Variants in CHI3L2 observed in about 807,000 individuals in gnomAD.
The protein encoded by CHI3L2 is chitinase-3-like protein 2.
Under a neutral mutation model 47.3 loss-of-function variants are expected in CHI3L2, and 47 were observed. The observed-to-expected ratio is 0.99, with a 90% CI of 0.79 to 1.27. The LOEUF (loss-of-function observed/expected upper bound fraction) is 1.27. Ranked by LOEUF, CHI3L2 falls within the 50% of genes most tolerant of loss-of-function variation. The pLI, the probability that CHI3L2 is intolerant of heterozygous loss-of-function variation, is 0.00. For missense variants in CHI3L2, 497 were observed against 462.1 expected (o/e 1.08, Z -0.69); for synonymous variants, 198 against 169.9 (o/e 1.17, Z -1.28).
At chr1:111,228,888 G>A (rs1659606574) in intron 1 of CHI3L2, among the ~76,000 whole-genome samples, 1 of 152,178 alleles carries the variant, frequency 6.6e-6, no homozygotes, top group African/African-American at 2.4e-5. Flanking sequence ...AGGAGGATGT[G>A]TTAAGTATAG....
chr1:111,240,868 G>A (rs1660030759), intron 8 of CHI3L2, among the ~76,000 whole-genome samples: 1 of 152,210 alleles, frequency 6.6e-6, no homozygotes, highest in Non-Finnish European at 1.5e-5. Flanking sequence ...ACAAGATGAG[G>A]AATAGTGGTG....
intron 7 of CHI3L2, among the ~76,000 whole-genome samples, chr1:111,237,011 A>G (rs1045309546): frequency 1.3e-5 from 2 of 152,192 alleles, no homozygotes; most frequent in Non-Finnish European, 2.9e-5. Flanking sequence ...GGGTCTGGGT[A>G]GTGTCAGCTG....
chr1:111,242,513 T>G, intron 10 of CHI3L2, 147 bp downstream of exon 10: 1 of 768,778 alleles, frequency 1.3e-6, no homozygotes, highest in East Asian at 2.9e-5. Flanking sequence ...GCAATTAGGC[T>G]GGTTCTGCCC....
Position 111,242,254 on chromosome 1 carries a change from G to A in CHI3L2, c.1063G>A (p.Gly355Arg). The A allele has an allele frequency of 6.2e-7, 1 of 1,614,104 alleles. No homozygotes were observed. Among genetic ancestry groups the A allele is most frequent in the Non-Finnish European group, 8.5e-7 (1 of 1,180,000 alleles). ...TCAGTTCTTAAAGAATTTAAACCTG[G>A]GAGGAGCCATGATCTGGTCTATTGA... The part of the protein sequence containing the change: ...KVQFLKNLNL[G>R]GAMIWSIDMD... The change falls in exon 10 of 11, where the codon GGA (glycine) becomes AGA (arginine). Residue 355 changes from glycine (G) to arginine (R), a missense_variant. By Grantham distance (125) the Gly-to-Arg change is moderately radical (BLOSUM62 -2). Coordinates refer to ENST00000369748, the MANE Select transcript of CHI3L2 (RefSeq NM_004000.3).
chr1:111,241,433 T>A lies in CHI3L2; in HGVS notation c.1025T>A (p.Met342Lys), dbSNP rs1455098034. 6.3e-6 allele frequency: 10 copies of A among 1,578,148 alleles called. No individual in the cohort carries two copies. Among genetic ancestry groups the A allele is most frequent in the Non-Finnish European group, 8.7e-6 (10 of 1,147,160 alleles). ...QWVGYDDVKS[M>K]ETKVQFLKNL... is the part of the protein sequence containing the mutation. The stretch of plus-strand genomic sequence containing the variant: ...GTGGGCTATGATGATGTGAAGAGTA[T>A]GGAGACCAAGGTAGGTGGGCCACAG... Residue 342 changes from methionine to lysine, a missense_variant, in exon 9 of 11, where the codon ATG (methionine) becomes AAG (lysine). Transcript: ENST00000369748.
intron 1 of CHI3L2, 25 bp downstream of exon 1, chr1:111,227,794 C>T (rs1242815722): frequency 6.2e-7 from 1 of 1,611,528 alleles, no homozygotes; most frequent in Non-Finnish European, 8.5e-7. Flanking sequence ...GATAATTCAG[C>T]AGGAAATTTG....
intron 4 of CHI3L2, among the ~76,000 whole-genome samples, chr1:111,232,034 T>C (rs972180714): frequency 6.6e-6 from 1 of 152,252 alleles, no homozygotes; most frequent in Non-Finnish European, 1.5e-5. Flanking sequence ...TAAATTTGGC[T>C]GAGAGAGTCT....
chr1:111,238,964 C>T, intron 8 of CHI3L2, 32 bp downstream of exon 8: 5 of 1,536,982 alleles, frequency 3.3e-6, no homozygotes, highest in East Asian at 2.3e-5. Flanking sequence ...CCTCAGCTCC[C>T]TGCCATGTCT....
intron 7 of CHI3L2, 92 bp from the exon 8 acceptor site, chr1:111,238,658 G>C: frequency 3.7e-6 from 5 of 1,340,252 alleles, no homozygotes; most frequent in Non-Finnish European, 3.2e-6. Flanking sequence ...AAACCAGGCA[G>C]TCACCTCTGT....
chr1:111,237,598 TA>T (rs1453277873), intron 7 of CHI3L2, among the ~76,000 whole-genome samples: 1 of 152,218 alleles, frequency 6.6e-6, no homozygotes, highest in African/African-American at 2.4e-5. Context: ...CCTTCCTCTC[TA>T]TCAGTTATCT....
upstream of CHI3L2, chr1:111,227,680 T>G (rs1411348046): frequency 4.4e-6 from 7 of 1,593,826 alleles, no homozygotes; most frequent in Non-Finnish European, 1.7e-6. Flanking sequence ...GAAACCTCAG[T>G]GGATAAAAGA....
chr1:111,235,704 G>T lies in CHI3L2; in HGVS notation c.546G>T (p.Ala182=). 1 of 1,614,170 alleles carries T rather than the reference G, an allele frequency of 6.2e-7. No individual in the cohort carries two copies. The highest frequency in any genetic ancestry group is 8.5e-7 in the Non-Finnish European group (1 of 1,180,008). ...KSTKERLLLT[A]GVSAGRQMID... is the part of the protein sequence containing the mutation. ...CCAAGGAAAGGCTTCTCTTGACTGCGGGCGTATCTGCAGGGAGGCAAATGA... is the reference window on the plus strand; with the variant it reads ...CCAAGGAAAGGCTTCTCTTGACTGCTGGCGTATCTGCAGGGAGGCAAATGA... The change falls in exon 6 of 11, where the codon GCG becomes GCT. Residue 182 remains alanine (A), a synonymous_variant. Coordinates refer to ENST00000369748, the MANE Select transcript of CHI3L2 (RefSeq NM_004000.3).
In CHI3L2 at chr1:111,230,939, A is replaced by C; in HGVS notation, c.268A>C (p.Thr90Pro). 1 of 1,613,750 alleles carries C rather than the reference A, an allele frequency of 6.2e-7. No homozygotes were observed. The highest frequency in any genetic ancestry group is 8.5e-7 in the Non-Finnish European group (1 of 1,179,716). Residue 90 changes from threonine (T) to proline (P), a missense_variant, in exon 3 of 11, where the codon ACC becomes CCC. Coordinates refer to ENST00000369748, the MANE Select transcript of CHI3L2 (RefSeq NM_004000.3). ...CTACCAGACCATCAACAGTCTCAAA[A>C]CCAAGTGAGTAAGATGGGGGTGGAA... The part of the protein sequence containing the change: ...MLYQTINSLK[T>P]KNPKLKILLS...
chr1:111,235,514 G>A (rs1659853877), intron 5 of CHI3L2, 125 bp from the exon 6 acceptor site: 1 of 1,109,844 alleles, frequency 9.0e-7, no homozygotes, highest in African/African-American at 1.6e-5. Flanking sequence ...CATGTGGGGT[G>A]GGGAGGAAAG....
rs539161950 is a variant in CHI3L2, at chr1:111,236,214, A to C, written c.735+61A>C. The C allele has an allele frequency of 2.3e-4, 367 of 1,562,970 alleles. No individual in the cohort carries two copies. The African/African-American group carries it at 4.6e-3, about 20-fold the overall frequency. ...GTGGGGGTGGGGCTGGGGAGAGTCC[A>C]GCATGTCTAGAGTTACTTCTGTCTT... On this transcript the variant is annotated intron_variant, in intron 7 of 10. Coordinates refer to ENST00000369748, the MANE Select transcript of CHI3L2 (RefSeq NM_004000.3).
chr1:111,233,566 T>TG lies in CHI3L2; in HGVS notation c.330-1333dup, dbSNP rs543583285. Among the ~76,000 whole-genome samples the TG allele has an allele frequency of 6.1e-3, 923 of 151,090 alleles. 7 individuals are homozygous for TG. Among genetic ancestry groups the TG allele is most frequent in the Non-Finnish European group, 9.6e-3 (650 of 67,628 alleles). On this transcript the variant is annotated intron_variant, in intron 4 of 10. Transcript: ENST00000369748. ...CCAAAGCTGGCATCCAGGAGGGAGG[T>TG]GGGGGGGGTCAGCACCCCGCCCGGC...
chr1:111,232,252 G>A (rs1423623769), intron 4 of CHI3L2, among the ~76,000 whole-genome samples: 1 of 152,166 alleles, frequency 6.6e-6, no homozygotes, highest in African/African-American at 2.4e-5. Context: ...GGGCTTCCAT[G>A]GCACCCATCC....
chr1:111,233,636 C>G (rs1659792182), intron 4 of CHI3L2, among the ~76,000 whole-genome samples: 1 of 152,056 alleles, frequency 6.6e-6, no homozygotes, highest in Non-Finnish European at 1.5e-5. Flanking sequence ...GCCCGGCCGC[C>G]CCTACTGGGA....
intron 5 of CHI3L2, 137 bp downstream of exon 5, chr1:111,235,194 C>A: frequency 2.5e-6 from 2 of 816,124 alleles, no homozygotes; most frequent in Non-Finnish European, 1.9e-6. Context: ...TCTGAAGCTC[C>A]CACTAATGAG....
Sources: allele counts gnomAD v4.1 joint callset (sites outside exome capture counted in the v4.1 genomes callset), GRCh38; gene constraint gnomAD v4.1.1; transcripts MANE v1.5; gene names NCBI Gene and HGNC (gene_info 2026-07-23, HGNC 2026-07-21).